Variants in DCUN1D1 observed in about 807,000 individuals in gnomAD.
DCUN1D1 encodes the protein defective in cullin neddylation 1 domain containing 1.
DCUN1D1 carries 3 observed loss-of-function variants against 39.0 expected under a neutral mutation model. The ratio of observed to expected loss-of-function variants is 0.08; its 90% CI spans 0.04 to 0.20. The LOEUF (loss-of-function observed/expected upper bound fraction) is 0.20, where lower values mean the gene tolerates loss of function less well. Ranked by LOEUF, DCUN1D1 falls within the 10% of genes least tolerant of loss-of-function variation. The pLI is 1.00. For missense variants in DCUN1D1, 158 were observed against 302.4 expected (o/e 0.52, Z 3.54); for synonymous variants, 82 against 96.3 (o/e 0.85, Z 0.87).
chr3:182,944,884 A>T lies in DCUN1D1; in HGVS notation c.*210T>A, dbSNP rs1282218042. Reference sequence around the variant, plus strand: ...CAATGTTGGAATTATAAATGTTTAGAGCGGCCCAGACTAGAAGACAAGCCC... The same window carrying T: ...CAATGTTGGAATTATAAATGTTTAGTGCGGCCCAGACTAGAAGACAAGCCC... On this transcript the variant is annotated 3_prime_UTR_variant, in exon 7 of 7. Coordinates refer to ENST00000292782, the MANE Select transcript of DCUN1D1 (RefSeq NM_020640.4). The T allele has an allele frequency of 4.1e-6, 2 of 486,378 alleles. No individual in the cohort carries two copies. The highest frequency in any genetic ancestry group is 5.6e-5 in the South Asian group (2 of 36,012). 30.1% of individuals were successfully genotyped at this position (486,378 alleles called of 1,614,324 possible). A position where few individuals can be genotyped will look rare whatever the true frequency, so the allele number is the denominator to read the frequency against.
chr3:182,972,834 G>A (rs1021859487), intron 1 of DCUN1D1, among the ~76,000 whole-genome samples: 7 of 152,154 alleles, frequency 4.6e-5, no homozygotes, highest in Middle Eastern at 3.2e-3. Flanking sequence ...CCTGAGGTTG[G>A]GAGTCCGAGA....
chr3:182,960,760 A>C (rs1313432666), intron 4 of DCUN1D1, among the ~76,000 whole-genome samples: 1 of 152,244 alleles, frequency 6.6e-6, no homozygotes, highest in Admixed American at 6.5e-5. Context: ...TTTCTGGATA[A>C]TAAGACTATG....
chr3:182,969,758 A>T (rs1727841133), intron 1 of DCUN1D1, among the ~76,000 whole-genome samples: 1 of 152,208 alleles, frequency 6.6e-6, no homozygotes. Flanking sequence ...AGGGGGGAGG[A>T]GAAATGCTAT....
intron 1 of DCUN1D1, among the ~76,000 whole-genome samples, chr3:182,974,148 A>T (rs988846215): frequency 1.3e-5 from 2 of 152,120 alleles, no homozygotes; most frequent in African/African-American, 4.8e-5. Flanking sequence ...GCTACTCAGG[A>T]GGCTGAGGCA....
Position 182,938,360 on chromosome 3 carries a change from A to G in DCUN1D1, c.*6734T>C, listed in dbSNP as rs1273196857. The G allele has an allele frequency of 2.2e-5, 3 of 138,132 alleles. No individual in the cohort carries two copies. The highest frequency in any genetic ancestry group is 2.0e-4 in the East Asian group (1 of 4,950). The allele number at this position is 138,132 out of a possible 1,614,324, so 8.6% of individuals were successfully genotyped here. A position where few individuals can be genotyped will look rare whatever the true frequency, so the allele number is the denominator to read the frequency against. ...TTATTTGAATCCTGACTTGAATTGG[A>G]AAAAAAAAAAAAAAGGCACAACTTG... On this transcript the variant is annotated 3_prime_UTR_variant, in exon 7 of 7. Transcript: ENST00000292782.
intron 1 of DCUN1D1, among the ~76,000 whole-genome samples, chr3:182,968,687 T>C (rs1293487026): frequency 1.3e-5 from 2 of 151,634 alleles, no homozygotes; most frequent in African/African-American, 2.4e-5. Context: ...GCAACCTCCA[T>C]CTCCCAGGCT....
At chr3:182,958,524 G>A (rs1447120427) in intron 4 of DCUN1D1, among the ~76,000 whole-genome samples, 1 of 152,024 alleles carries the variant, frequency 6.6e-6, no homozygotes, top group Admixed American at 6.6e-5. Context: ...CATTTTCATT[G>A]TAGTTAAATA....
At chr3:182,949,470 A>T (rs1396318206) in intron 4 of DCUN1D1, among the ~76,000 whole-genome samples, 1 of 152,130 alleles carries the variant, frequency 6.6e-6, no homozygotes, top group Non-Finnish European at 1.5e-5. Context: ...CTGTAATCCC[A>T]TCACTCTGGG....
chr3:182,947,686 CA>C, intron 4 of DCUN1D1, 54 bp from the exon 5 acceptor site: 1 of 1,044,466 alleles, frequency 9.6e-7, no homozygotes, highest in Non-Finnish European at 1.4e-6. Context: ...TTTGTCCCTG[CA>C]AAAATAACAA....
chr3:182,938,615 T>C lies in DCUN1D1; in HGVS notation c.*6479A>G, dbSNP rs1725995328. On this transcript the variant is annotated 3_prime_UTR_variant, in exon 7 of 7. Transcript: ENST00000292782. ...GATTGATCATGTTAACATGAGTTCATTATGCAATTGTCCTTTTACATATAC... is the reference window on the plus strand; with the variant it reads ...GATTGATCATGTTAACATGAGTTCACTATGCAATTGTCCTTTTACATATAC... 1 of 152,194 alleles carries C rather than the reference T, an allele frequency of 6.6e-6. No homozygotes were observed. The highest frequency in any genetic ancestry group is 2.4e-5 in the African/African-American group (1 of 41,456). 9.4% of individuals were successfully genotyped at this position (152,194 alleles called of 1,614,324 possible).
In DCUN1D1 at chr3:182,962,968, C is replaced by T. The variant is rs547803515; in HGVS notation, c.389+913G>A. Reference sequence around the variant, plus strand: ...GCTAATTTTGTATTTTTTGTAGAGACGGGGTTTCTCCATGTTGGTCAAGCT... The same window carrying T: ...GCTAATTTTGTATTTTTTGTAGAGATGGGGTTTCTCCATGTTGGTCAAGCT... On this transcript the variant is annotated intron_variant, in intron 3 of 6. Transcript: ENST00000292782. Among the ~76,000 whole-genome samples, 75 of 152,190 alleles carry T rather than the reference C, an allele frequency of 4.9e-4. 1 individual carries two copies. The highest frequency in any genetic ancestry group is 1.7e-3 in the African/African-American group (72 of 41,522).
chr3:182,980,814 G>A (rs1418937108), upstream of DCUN1D1: 1 of 153,082 alleles, frequency 6.5e-6, no homozygotes, highest in African/African-American at 2.4e-5. Context: ...TCTCTGGTGG[G>A]GGCGCCGGGG....
At chr3:182,957,432 G>C (rs1194770926) in intron 4 of DCUN1D1, among the ~76,000 whole-genome samples, 1 of 152,178 alleles carries the variant, frequency 6.6e-6, no homozygotes, top group African/African-American at 2.4e-5. Flanking sequence ...GTTGAGGCCA[G>C]CCTGGGCAAC....
intron 1 of DCUN1D1, among the ~76,000 whole-genome samples, chr3:182,979,817 A>C (rs986139603): frequency 2.6e-5 from 4 of 151,880 alleles, no homozygotes; most frequent in Non-Finnish European, 4.4e-5. Flanking sequence ...GCAGTCTCCC[A>C]TGTTTTCAGT....
chr3:182,978,478 T>G (rs1036422048), intron 1 of DCUN1D1, among the ~76,000 whole-genome samples: 1 of 152,138 alleles, frequency 6.6e-6, no homozygotes, highest in African/African-American at 2.4e-5. Context: ...CCAGCTCAAG[T>G]AATCCTCCCA....
At chr3:182,961,040 C>T (rs1727354708) in intron 4 of DCUN1D1, among the ~76,000 whole-genome samples, 186 bp downstream of exon 4, 1 of 152,120 alleles carries the variant, frequency 6.6e-6, no homozygotes, top group East Asian at 1.9e-4. Context: ...ATATAGTACC[C>T]AGGGTAAACT....
chr3:182,943,207 A>G lies in DCUN1D1; in HGVS notation c.*1887T>C, dbSNP rs1726221362. The G allele has an allele frequency of 6.7e-6, 1 of 148,250 alleles. No individual in the cohort carries two copies. The highest frequency in any genetic ancestry group is 1.9e-4 in the East Asian group (1 of 5,146). 9.2% of individuals were successfully genotyped at this position (148,250 alleles called of 1,614,324 possible). ...ATCTGAAACCAATAACCATAACTCA[A>G]AATCTTCAAGACAGGAAACAAAACA... On this transcript the variant is annotated 3_prime_UTR_variant, in exon 7 of 7. Coordinates refer to ENST00000292782, the MANE Select transcript of DCUN1D1 (RefSeq NM_020640.4).
intron 4 of DCUN1D1, among the ~76,000 whole-genome samples, chr3:182,959,650 T>C (rs1044332642): frequency 6.6e-6 from 1 of 151,938 alleles, no homozygotes; most frequent in Admixed American, 6.6e-5. Context: ...ACATAGCAGG[T>C]GGTAAATTAC....
intron 3 of DCUN1D1, among the ~76,000 whole-genome samples, chr3:182,962,924 G>A (rs2108374251): frequency 6.6e-6 from 1 of 152,262 alleles, no homozygotes; most frequent in East Asian, 1.9e-4. Context: ...GGGATTACAG[G>A]CATGTGCCAC....
Sources: allele counts gnomAD v4.1 joint callset (sites outside exome capture counted in the v4.1 genomes callset), GRCh38; gene constraint gnomAD v4.1.1; transcripts MANE v1.5; gene names NCBI Gene and HGNC (gene_info 2026-07-23, HGNC 2026-07-21).